The following MICU1 variants were observed in gnomAD, a reference collection of about 807,000 sequenced individuals.
The protein encoded by MICU1 is mitochondrial calcium uptake 1, also known as calcium uptake protein 1, mitochondrial.
A neutral mutation model predicts 56.8 loss-of-function variants in MICU1; 45 were observed. The ratio of observed to expected loss-of-function variants is 0.79; its 90% CI spans 0.62 to 1.02. The LOEUF is 1.02. Among genes scored for constraint, MICU1 ranks in the 50% least tolerant of loss-of-function variants. MICU1 has a pLI of 0.00. For missense variants in MICU1, 504 were observed against 587.1 expected (o/e 0.86, Z 1.46); for synonymous variants, 186 against 195.1 (o/e 0.95, Z 0.39).
chr10:72,553,074 A>T (rs1197489050), intron 3 of MICU1, among the ~76,000 whole-genome samples: 2 of 152,210 alleles, frequency 1.3e-5, no homozygotes, highest in Non-Finnish European at 2.9e-5. Context: ...AATAGATTTC[A>T]CAGGAGACTT....
At chr10:72,485,889 ACACACACACG>A (rs1866454707) in intron 6 of MICU1, among the ~76,000 whole-genome samples, 1 of 151,646 alleles carries the variant, frequency 6.6e-6, no homozygotes, top group Non-Finnish European at 1.5e-5. Flanking sequence ...AGTCACACAC[ACACACACACG>A]CACACACACA....
chr10:72,570,727 C>T (rs1840589060), intron 1 of MICU1, among the ~76,000 whole-genome samples: 1 of 152,136 alleles, frequency 6.6e-6, no homozygotes, highest in African/African-American at 2.4e-5. Flanking sequence ...TCCTATTTTC[C>T]ATGACCTAAG....
chr10:72,407,939 A>G lies in MICU1; in HGVS notation c.1170T>C (p.Ser390=). 6.2e-7 allele frequency: 1 copy of G among 1,611,148 alleles called. No individual in the cohort carries two copies. ...ALSFYHMAGA[S]LDKVTMQQVA... ...TTTGAGTTTCATTACCTTTATCAAG[A>G]GATGCTCCAGCCATATGGTAAAAAC... The change falls in exon 10 of 12, where the codon TCT becomes TCC. Residue 390 remains serine (S), a synonymous_variant. Coordinates refer to ENST00000361114, the MANE Select transcript of MICU1 (RefSeq NM_001195518.2).
At chr10:72,427,467 GTCT>G (rs1864381011) in intron 8 of MICU1, among the ~76,000 whole-genome samples, 1 of 152,152 alleles carries the variant, frequency 6.6e-6, no homozygotes, top group African/African-American at 2.4e-5. Context: ...CTGCAAGTGG[GTCT>G]TCATTTGTTG....
At chr10:72,420,150 C>T (rs1051944223) in intron 9 of MICU1, among the ~76,000 whole-genome samples, 5 of 152,190 alleles carry the variant, frequency 3.3e-5, no homozygotes, top group Non-Finnish European at 7.3e-5. Context: ...ACCTCTGCCT[C>T]CTGGGTTCAA....
At chr10:72,607,439 G>A (rs559999715) in intron 1 of MICU1, among the ~76,000 whole-genome samples, 1 of 151,762 alleles carries the variant, frequency 6.6e-6, no homozygotes, top group South Asian at 2.1e-4. Context: ...AGGAGATCGA[G>A]ACCTTCCTGG....
chr10:72,456,672 T>C (rs1419068328), intron 8 of MICU1, among the ~76,000 whole-genome samples: 1 of 152,062 alleles, frequency 6.6e-6, no homozygotes, highest in Admixed American at 6.6e-5. Flanking sequence ...TTTTAAACTA[T>C]GTTTTAGGGT....
chr10:72,519,572 C>T (rs957381666), intron 5 of MICU1, among the ~76,000 whole-genome samples: 2 of 152,184 alleles, frequency 1.3e-5, no homozygotes, highest in Non-Finnish European at 2.9e-5. Context: ...ACTTTAGTTT[C>T]TGACCAATCA....
intron 6 of MICU1, among the ~76,000 whole-genome samples, chr10:72,503,863 T>G (rs921883015): frequency 9.0e-6 from 1 of 110,810 alleles, no homozygotes; most frequent in African/African-American, 3.8e-5. Flanking sequence ...CCATTTACAA[T>G]AGACACACAC....
chr10:72,423,351 C>CACAG lies in MICU1; in HGVS notation c.950_953dup (p.Asp319CysfsTer7). On this transcript the variant is annotated frameshift_variant, in exon 9 of 12. Transcript: ENST00000361114. LOFTEE classifies it high-confidence loss of function. ...ACTGCCTCTCAGTAATTCTCCCATCCACAGGGTCATGGCGTTCAAACTGGG... is the reference window on the plus strand; with the variant it reads ...ACTGCCTCTCAGTAATTCTCCCATCCACAGACAGGGTCATGGCGTTCAAACTGGG... 1 of 1,613,896 alleles carries CACAG rather than the reference C, an allele frequency of 6.2e-7. No individual in the cohort carries two copies. The highest frequency in any genetic ancestry group is 8.5e-7 in the Non-Finnish European group (1 of 1,179,826).
intron 5 of MICU1, among the ~76,000 whole-genome samples, chr10:72,528,585 G>C (rs1839387697): frequency 6.6e-6 from 1 of 152,138 alleles, no homozygotes; most frequent in Non-Finnish European, 1.5e-5. Flanking sequence ...AATTTGACTA[G>C]AGTAGTTCAA....
intron 10 of MICU1, among the ~76,000 whole-genome samples, chr10:72,403,202 G>C (rs1022318015): frequency 6.6e-6 from 1 of 151,240 alleles, no homozygotes; most frequent in Non-Finnish European, 1.5e-5. Flanking sequence ...ACAGTGACCC[G>C]GGTCACCATT....
intron 1 of MICU1, among the ~76,000 whole-genome samples, chr10:72,617,698 GGCACACACCTATAGTCCTA>G (rs1842014883): frequency 6.6e-6 from 1 of 152,148 alleles, no homozygotes; most frequent in Non-Finnish European, 1.5e-5. Context: ...CAAGTGTGGT[GGCACACACCTATAGTCCTA>G]GCTGCTCAGG....
intron 9 of MICU1, among the ~76,000 whole-genome samples, chr10:72,419,913 G>T (rs1396971900): frequency 6.6e-6 from 1 of 152,154 alleles, no homozygotes; most frequent in Non-Finnish European, 1.5e-5. Flanking sequence ...TGTCGTGGAA[G>T]GGACCTGGTG....
intron 8 of MICU1, among the ~76,000 whole-genome samples, chr10:72,433,100 G>GC (rs1342079818): frequency 6.6e-6 from 1 of 151,910 alleles, no homozygotes; most frequent in Admixed American, 6.6e-5. Flanking sequence ...ACCATGCCCA[G>GC]CTAATGTTTT....
chr10:72,492,572 G>A (rs1866693602), intron 6 of MICU1, among the ~76,000 whole-genome samples: 1 of 151,988 alleles, frequency 6.6e-6, no homozygotes, highest in Non-Finnish European at 1.5e-5. Context: ...AGACCAGCCT[G>A]ACCAACATGG....
At chr10:72,449,250 T>G (rs1333855841) in intron 8 of MICU1, among the ~76,000 whole-genome samples, 1 of 151,996 alleles carries the variant, frequency 6.6e-6, no homozygotes, top group Non-Finnish European at 1.5e-5. Context: ...ATACAAAAAT[T>G]AGCAAGGCAT....
intron 10 of MICU1, among the ~76,000 whole-genome samples, chr10:72,393,501 C>T (rs1195633425): frequency 6.6e-6 from 1 of 152,054 alleles, no homozygotes; most frequent in African/African-American, 2.4e-5. Flanking sequence ...CTTCAGTAAG[C>T]TTGGTGTATT....
chr10:72,566,039 CTTT>C (rs11376019), intron 2 of MICU1, among the ~76,000 whole-genome samples: 2 of 69,828 alleles, frequency 2.9e-5, no homozygotes, highest in East Asian at 4.2e-4. Context: ...CATTCATTTT[CTTT>C]TTTTTTTTTT....
Sources: allele counts gnomAD v4.1 joint callset (sites outside exome capture counted in the v4.1 genomes callset), GRCh38; gene constraint gnomAD v4.1.1; transcripts MANE v1.5; gene names NCBI Gene and HGNC (gene_info 2026-07-23, HGNC 2026-07-21).